Variants in TCF7L1 observed in about 807,000 individuals in gnomAD.
The protein encoded by TCF7L1 is transcription factor 7 like 1.
TCF7L1 carries 18 observed loss-of-function variants against 63.7 expected under a neutral mutation model. That is an observed-to-expected ratio of 0.28 (90% CI 0.20 to 0.42). The LOEUF is 0.42. TCF7L1 is among the 10% of genes least tolerant of loss of function. TCF7L1 has a pLI of 1.00. For synonymous variants in TCF7L1, 355 were observed against 340.9 expected (o/e 1.04, Z -0.46); for missense variants, 654 against 779.3 (o/e 0.84, Z 1.91).
At chr2:85,268,983 C>T (rs1201688779) in intron 3 of TCF7L1, among the ~76,000 whole-genome samples, 4 of 151,570 alleles carry the variant, frequency 2.6e-5, no homozygotes, top group African/African-American at 4.9e-5. Flanking sequence ...GGCTAGATGA[C>T]AAAGTGAGGA....
At chr2:85,203,726 C>G (rs1166814481) in intron 3 of TCF7L1, among the ~76,000 whole-genome samples, 1 of 141,938 alleles carries the variant, frequency 7.0e-6, no homozygotes, top group Non-Finnish European at 1.5e-5. Context: ...GAGACCCTAT[C>G]TCAAAAAAAG....
chr2:85,266,151 A>G (rs1031552855), intron 3 of TCF7L1, among the ~76,000 whole-genome samples: 3 of 152,244 alleles, frequency 2.0e-5, no homozygotes, highest in African/African-American at 4.8e-5. Flanking sequence ...TTCAGATATC[A>G]TAATTGCAGC....
At chr2:85,204,616 A>G (rs1679358325) in intron 3 of TCF7L1, among the ~76,000 whole-genome samples, 1 of 142,638 alleles carries the variant, frequency 7.0e-6, no homozygotes, top group South Asian at 2.3e-4. Flanking sequence ...CCTGGGCTTA[A>G]GCAAACCTCC....
chr2:85,245,377 T>C (rs904583305), intron 3 of TCF7L1, among the ~76,000 whole-genome samples: 3 of 152,154 alleles, frequency 2.0e-5, no homozygotes, highest in African/African-American at 7.2e-5. Context: ...TGGGCATCAG[T>C]CACCAGTCCC....
chr2:85,136,912 A>T (rs1370212498), intron 3 of TCF7L1, among the ~76,000 whole-genome samples: 3 of 152,192 alleles, frequency 2.0e-5, no homozygotes, highest in Non-Finnish European at 2.9e-5. Flanking sequence ...AATGGTAGGT[A>T]CAGACAAAGT....
chr2:85,259,582 G>C (rs1680811757), intron 3 of TCF7L1, among the ~76,000 whole-genome samples: 1 of 152,222 alleles, frequency 6.6e-6, no homozygotes, highest in African/African-American at 2.4e-5. Context: ...TACTATTGAA[G>C]ATTGTGTGTC....
chr2:85,210,951 C>T (rs998463683), intron 3 of TCF7L1, among the ~76,000 whole-genome samples: 1 of 152,180 alleles, frequency 6.6e-6, no homozygotes, highest in African/African-American at 2.4e-5. Context: ...GCGCGAGGCA[C>T]CACCCACTCT....
intron 3 of TCF7L1, among the ~76,000 whole-genome samples, chr2:85,185,599 C>G (rs1367226700): frequency 6.6e-6 from 1 of 152,060 alleles, no homozygotes; most frequent in East Asian, 1.9e-4. Context: ...TGGCCCAGCT[C>G]CAGAGAGGGT....
intron 3 of TCF7L1, among the ~76,000 whole-genome samples, chr2:85,265,181 A>C (rs890386674): frequency 6.6e-6 from 1 of 152,188 alleles, no homozygotes; most frequent in Non-Finnish European, 1.5e-5. Flanking sequence ...CAGGAAGGTC[A>C]TCTTTGAAAG....
At chr2:85,253,456 G>A (rs772115981) in intron 3 of TCF7L1, among the ~76,000 whole-genome samples, 1 of 152,222 alleles carries the variant, frequency 6.6e-6, no homozygotes, top group Non-Finnish European at 1.5e-5. Flanking sequence ...ATGCTGGCAA[G>A]TCAATGCAGA....
intron 3 of TCF7L1, among the ~76,000 whole-genome samples, chr2:85,197,883 T>C (rs80067501): frequency 4.6e-5 from 7 of 152,328 alleles, no homozygotes; most frequent in Non-Finnish European, 2.9e-5. Context: ...GAAGAGAGTC[T>C]GCCTGTGGCC....
chr2:85,221,526 C>T (rs1276673727), intron 3 of TCF7L1, among the ~76,000 whole-genome samples: 4 of 152,294 alleles, frequency 2.6e-5, no homozygotes, highest in South Asian at 2.1e-4. Flanking sequence ...CTGGTGCAGG[C>T]CTTCTTACTG....
intron 3 of TCF7L1, among the ~76,000 whole-genome samples, chr2:85,238,823 T>C (rs1381511528): frequency 1.4e-5 from 2 of 145,600 alleles, no homozygotes; most frequent in African/African-American, 5.1e-5. Context: ...ATTTATTTAT[T>C]TATTTATTTT....
At chr2:85,137,279 G>T (rs1043863341) in intron 3 of TCF7L1, among the ~76,000 whole-genome samples, 16 of 152,174 alleles carry the variant, frequency 1.1e-4, no homozygotes, top group African/African-American at 3.1e-4. Flanking sequence ...TGAGACCACT[G>T]GGGGCTGGCC....
intron 4 of TCF7L1, among the ~76,000 whole-genome samples, chr2:85,298,222 G>A (rs1011131647): frequency 1.6e-4 from 22 of 139,734 alleles, no homozygotes; most frequent in African/African-American, 3.8e-4. Flanking sequence ...GGCCGGGCGC[G>A]GTGGCTCACG....
intron 3 of TCF7L1, among the ~76,000 whole-genome samples, chr2:85,202,996 G>A (rs1435207760): frequency 1.3e-5 from 2 of 152,050 alleles, no homozygotes; most frequent in East Asian, 1.9e-4. Context: ...ACCACGCCCG[G>A]CTAATTTTTT....
rs146223414 is a variant in TCF7L1 at position 85,258,233 on chromosome 2, G to A, written c.442-25262G>A. On this transcript the variant is annotated intron_variant, in intron 3 of 11. Coordinates refer to ENST00000282111, the MANE Select transcript of TCF7L1 (RefSeq NM_031283.3). ...ACTGTACCCTTAGACCTGAGCAGGG[G>A]GGGCCTGCATTGGACCCTACTTTGG... 7.9e-5 allele frequency among the ~76,000 whole-genome samples: 12 copies of A among 152,256 alleles called. 1 individual carries two copies. The East Asian group carries it at 1.7e-3, about 22-fold the overall frequency.
intron 3 of TCF7L1, among the ~76,000 whole-genome samples, chr2:85,240,742 C>T (rs1482132885): frequency 6.7e-6 from 1 of 150,282 alleles, no homozygotes; most frequent in Non-Finnish European, 1.5e-5. Flanking sequence ...CACCAGTGCA[C>T]TCCAGCCTGG....
At chr2:85,138,113 G>A (rs1677638111) in intron 3 of TCF7L1, among the ~76,000 whole-genome samples, 1 of 152,142 alleles carries the variant, frequency 6.6e-6, no homozygotes, top group African/African-American at 2.4e-5. Flanking sequence ...GAGGGAGTCT[G>A]TGGTTTTTGT....
Sources: gnomAD v4.1 joint callset for allele counts (sites outside exome capture counted in the v4.1 genomes callset) on GRCh38, gnomAD v4.1.1 for gene constraint, MANE v1.5 for transcripts, NCBI Gene and HGNC (gene_info 2026-07-23, HGNC 2026-07-21) for gene names.